CTH: variants seen among roughly 807,000 people sequenced by gnomAD.
CTH encodes the protein cystathionase (cystathionine gamma-lyase).
CTH carries 41 observed loss-of-function variants against 50.6 expected under a neutral mutation model. That is an observed-to-expected ratio of 0.81 (90% confidence interval 0.63 to 1.05). The LOEUF (loss-of-function observed/expected upper bound fraction) is 1.05. Among genes scored for constraint, CTH ranks in the 50% least tolerant of loss-of-function variants. The probability of loss-of-function intolerance (pLI) is 0.00; values close to 1 mark genes in which losing one functional copy is unlikely to be tolerated. For missense variants in CTH, 470 were observed against 492.6 expected (o/e 0.95, Z 0.43); for synonymous variants, 156 against 168.9 (o/e 0.92, Z 0.59).
chr1:70,434,914 A>C, intron 9 of CTH: 1 of 382,336 alleles, frequency 2.6e-6, no homozygotes, highest in South Asian at 2.2e-5. Context: ...CACCATGCTC[A>C]GCTAATTTTT....
At chr1:70,417,763 T>G (rs1334307633) in intron 2 of CTH, among the ~76,000 whole-genome samples, 174 bp from the exon 3 acceptor site, 1 of 152,240 alleles carries the variant, frequency 6.6e-6, no homozygotes, top group Non-Finnish European at 1.5e-5. Flanking sequence ...TTTAAAGATA[T>G]CTTATTCTTG....
intron 11 of CTH, 58 bp from the exon 12 acceptor site, chr1:70,439,043 G>A: frequency 4.5e-6 from 7 of 1,564,892 alleles, no homozygotes; most frequent in South Asian, 4.4e-5. Context: ...TTCTTGAGGA[G>A]TTGAAGCTAT....
Position 70,432,125 on chromosome 1 carries a change from A to G in CTH, c.767A>G (p.Asn256Ser), listed in dbSNP as rs774965811. 1.9e-6 allele frequency: 3 copies of G among 1,614,060 alleles called. No individual in the cohort carries two copies. The highest frequency in any genetic ancestry group is 1.3e-5 in the African/African-American group (1 of 74,920). The change falls in exon 8 of 12, where the codon AAT becomes AGT. Residue 256 changes from asparagine to serine, a missense_variant. Physicochemically the swap from Asn to Ser is conservative, Grantham distance 46. Transcript: ENST00000370938. ...TCTCCTATTGATTGTTACCTCTGCA[A>G]TCGAGGTCTGAAGACTCTACATGTC... ...VPSPIDCYLC[N>S]RGLKTLHVRM...
intron 3 of CTH, among the ~76,000 whole-genome samples, chr1:70,419,056 T>C (rs1684157071): frequency 6.8e-6 from 1 of 146,192 alleles, no homozygotes; most frequent in Non-Finnish European, 1.5e-5. Flanking sequence ...TTCCCACCTA[T>C]GAGTAAGAAC....
intron 1 of CTH, among the ~76,000 whole-genome samples, chr1:70,414,558 G>A (rs1467993483): frequency 1.3e-5 from 2 of 152,106 alleles, no homozygotes; most frequent in African/African-American, 4.8e-5. Context: ...ACTTTTAGAA[G>A]TTATTGTTGT....
At chr1:70,419,800 T>A (rs1242413251) in intron 3 of CTH, among the ~76,000 whole-genome samples, 1 of 152,210 alleles carries the variant, frequency 6.6e-6, no homozygotes, top group African/African-American at 2.4e-5. Flanking sequence ...TTAAGCCCAC[T>A]GATTTTTGTA....
intron 3 of CTH, among the ~76,000 whole-genome samples, chr1:70,420,628 TG>T (rs1161766209): frequency 6.6e-6 from 1 of 152,156 alleles, no homozygotes; most frequent in Non-Finnish European, 1.5e-5. Context: ...TGGCCTGGGT[TG>T]GGGACCCCTG....
At chr1:70,419,988 C>T (rs530053617) in intron 3 of CTH, among the ~76,000 whole-genome samples, 26 of 151,106 alleles carry the variant, frequency 1.7e-4, no homozygotes, top group Admixed American at 3.3e-4. Context: ...CACCAGGGAC[C>T]GGCGTGTTTT....
intron 3 of CTH, among the ~76,000 whole-genome samples, chr1:70,418,335 C>G (rs1487310758): frequency 6.6e-6 from 1 of 152,056 alleles, no homozygotes; most frequent in Admixed American, 6.6e-5. Context: ...CTGCAGTCTC[C>G]GCCTCCTGGG....
chr1:70,432,436 T>A (rs1420811500), intron 8 of CTH, among the ~76,000 whole-genome samples: 2 of 152,238 alleles, frequency 1.3e-5, no homozygotes, highest in African/African-American at 4.8e-5. Flanking sequence ...TTGTATTGCC[T>A]CTAGTTTAGT....
At chr1:70,423,730 T>C (rs1684281659) in intron 4 of CTH, among the ~76,000 whole-genome samples, 2 of 152,238 alleles carry the variant, frequency 1.3e-5, no homozygotes, top group African/African-American at 2.4e-5. Flanking sequence ...AAGTAGGCGG[T>C]AACCACGTTT....
Position 70,433,892 on chromosome 1 carries a change from CA to C in CTH, c.943del (p.Thr315ProfsTer18). 6.2e-7 allele frequency: 1 copy of C among 1,614,036 alleles called. No homozygotes were observed. Among genetic ancestry groups the C allele is most frequent in the Non-Finnish European group, 8.5e-7 (1 of 1,180,002 alleles). ...AGTGTACAGGTTGTACAGGGATGGT[CA>C]CCTTTTATATTAAGGGCACTCTTCA... The part of the protein sequence containing the change: ...RQCTGCTGMV[T>X]FYIKGTLQHA... On this transcript the variant is annotated frameshift_variant, in exon 9 of 12. Transcript: ENST00000370938. LOFTEE classifies it high-confidence loss of function.
At chr1:70,416,790 C>T (rs955157491) in intron 2 of CTH, among the ~76,000 whole-genome samples, 2 of 151,776 alleles carry the variant, frequency 1.3e-5, no homozygotes, top group African/African-American at 4.8e-5. Flanking sequence ...GTCTCGATCT[C>T]CTGACCTCGT....
intron 2 of CTH, among the ~76,000 whole-genome samples, chr1:70,416,319 AAAC>A (rs1487968222): frequency 6.6e-6 from 1 of 152,220 alleles, no homozygotes; most frequent in Non-Finnish European, 1.5e-5. Flanking sequence ...ATTCATGTGA[AAAC>A]AATCTTCATC....
chr1:70,411,715 CTG>C, intron 1 of CTH, 132 bp downstream of exon 1: 1 of 1,440,804 alleles, frequency 6.9e-7, no homozygotes, highest in Non-Finnish European at 9.1e-7. Context: ...TGTTTCTACA[CTG>C]TAATTCTTGC....
At chr1:70,421,951 G>T (rs978561755) in intron 4 of CTH, among the ~76,000 whole-genome samples, 1 of 152,078 alleles carries the variant, frequency 6.6e-6, no homozygotes, top group Admixed American at 6.5e-5. Context: ...TTCTTCATTT[G>T]CAAAATGGAG....
chr1:70,421,200 C>T (rs903446291), intron 3 of CTH, among the ~76,000 whole-genome samples: 2 of 152,042 alleles, frequency 1.3e-5, no homozygotes, highest in East Asian at 1.9e-4. Flanking sequence ...TATTTTGAAC[C>T]TTTCATTGAC....
intron 2 of CTH, among the ~76,000 whole-genome samples, chr1:70,416,247 A>G (rs1684089299): frequency 6.6e-6 from 1 of 152,228 alleles, no homozygotes. Context: ...TAGAGGACAA[A>G]TGAATAAAGG....
Position 70,429,863 on chromosome 1 carries a change from A to G in CTH, c.646+12A>G. 6.3e-7 allele frequency: 1 copy of G among 1,595,008 alleles called. No homozygotes were observed. The highest frequency in any genetic ancestry group is 8.6e-7 in the Non-Finnish European group (1 of 1,162,828). On this transcript the variant is annotated intron_variant, in intron 6 of 11. Transcript: ENST00000370938. Reference sequence around the variant, plus strand: ...AAAATACATGAATGGTAAGATGCATACTTTGAATGTTCTTTTTCATGGATA... The same window carrying G: ...AAAATACATGAATGGTAAGATGCATGCTTTGAATGTTCTTTTTCATGGATA...
Sources: allele counts gnomAD v4.1 joint callset (sites outside exome capture counted in the v4.1 genomes callset), GRCh38; gene constraint gnomAD v4.1.1; transcripts MANE v1.5; gene names NCBI Gene and HGNC (gene_info 2026-07-23, HGNC 2026-07-21).